The following CLIP1 variants were observed in gnomAD, a reference collection of about 807,000 sequenced individuals.
CLIP1 encodes the protein CAP-Gly domain-containing linker protein 1.
Under a neutral mutation model 161.6 loss-of-function variants are expected in CLIP1, and 66 were observed. The ratio of observed to expected loss-of-function variants is 0.41; its 90% CI spans 0.33 to 0.50. The LOEUF (loss-of-function observed/expected upper bound fraction) is 0.50, where lower values mean the gene tolerates loss of function less well. Ranked by LOEUF, CLIP1 falls within the 20% of genes least tolerant of loss-of-function variation. The pLI, the probability that CLIP1 is intolerant of heterozygous loss-of-function variation, is 0.27. For missense variants in CLIP1, 1,376 were observed against 1,702.0 expected, an observed-to-expected ratio of 0.81 and a Z score of 3.37; for synonymous variants, 598 against 626.2, an observed-to-expected ratio of 0.96 and a Z score of 0.67.
At chr12:122,411,496 G>T (rs1034977483) in intron 1 of CLIP1, among the ~76,000 whole-genome samples, 1 of 152,108 alleles carries the variant, frequency 6.6e-6, no homozygotes, top group African/African-American at 2.4e-5. Flanking sequence ...CAATCCAAAG[G>T]TTCATCAAGT....
At chr12:122,300,432 C>CA (rs1407555908) in intron 20 of CLIP1, among the ~76,000 whole-genome samples, 10 of 151,950 alleles carry the variant, frequency 6.6e-5, no homozygotes, top group Admixed American at 2.0e-4. Context: ...TGGCTGAGAG[C>CA]AAAAAAATGT....
At position 122,298,758 on chromosome 12, in the gene CLIP1, C is replaced by T. The variant is rs111472377; in HGVS notation, c.3595-10217G>A. ...TCACTTGAAGTCAGGAGTTCAAGAC[C>T]AGCCTGGTCAACATAGCAAAACCCT... is the stretch of plus-strand genomic sequence containing the variant. On this transcript the variant is annotated intron_variant, in intron 20 of 25. Transcript: ENST00000620786. Among the ~76,000 whole-genome samples the T allele has an allele frequency of 8.6e-3, 1,302 of 152,034 alleles. 4 individuals carry two copies. The highest frequency in any genetic ancestry group is 0.029 in the African/African-American group (1,196 of 41,460).
chr12:122,318,915 G>A (rs1356965864), intron 18 of CLIP1, among the ~76,000 whole-genome samples: 1 of 152,150 alleles, frequency 6.6e-6, no homozygotes, highest in Non-Finnish European at 1.5e-5. Context: ...GGAAAGAGAA[G>A]AGAAAAAACA....
chr12:122,420,091 C>A (rs150215681), intron 1 of CLIP1, among the ~76,000 whole-genome samples: 4,247 of 151,946 alleles, frequency 0.028, 214 homozygotes, highest in African/African-American at 0.098. Context: ...CCTATAATCC[C>A]AGCACTTTGG....
intron 3 of CLIP1, among the ~76,000 whole-genome samples, chr12:122,370,173 AAAAG>A (rs1954373451): frequency 1.3e-5 from 2 of 151,802 alleles, no homozygotes; most frequent in Non-Finnish European, 1.5e-5. Flanking sequence ...AAAAAAAAAA[AAAAG>A]AAGAAGAAGA....
intron 21 of CLIP1, chr12:122,280,781 TA>T (rs1296700597): frequency 1.3e-5 from 2 of 152,230 alleles, no homozygotes; most frequent in African/African-American, 4.8e-5. Context: ...ATGACAAAAA[TA>T]CTTTAGGAAA....
chr12:122,413,849 T>A (rs1357254158), intron 1 of CLIP1, among the ~76,000 whole-genome samples: 2 of 151,586 alleles, frequency 1.3e-5, no homozygotes, highest in Non-Finnish European at 2.9e-5. Context: ...TATGTCCTTC[T>A]GGAAGTGCCA....
chr12:122,388,148 C>T (rs192654503), intron 1 of CLIP1, among the ~76,000 whole-genome samples: 40 of 152,100 alleles, frequency 2.6e-4, no homozygotes, highest in Admixed American at 9.2e-4. Flanking sequence ...TGTACAGAAT[C>T]GGCATCACAT....
chr12:122,382,205 T>C (rs1018470099), intron 1 of CLIP1, among the ~76,000 whole-genome samples: 10 of 151,780 alleles, frequency 6.6e-5, no homozygotes, highest in Admixed American at 6.6e-4. Flanking sequence ...CTACTAAAAA[T>C]ATAAAATTAG....
intron 12 of CLIP1, among the ~76,000 whole-genome samples, chr12:122,334,971 G>A (rs1952148050): frequency 6.6e-6 from 1 of 152,182 alleles, no homozygotes; most frequent in African/African-American, 2.4e-5. Context: ...AGGCATGTTC[G>A]TACTTAGGTA....
chr12:122,320,371 G>A (rs1171323453), intron 17 of CLIP1, among the ~76,000 whole-genome samples: 4 of 152,158 alleles, frequency 2.6e-5, no homozygotes, highest in Non-Finnish European at 5.9e-5. Flanking sequence ...AGGGAGCTGA[G>A]ACGGGAGGAT....
At chr12:122,293,925 C>T (rs951396810) in intron 20 of CLIP1, among the ~76,000 whole-genome samples, 8 of 151,736 alleles carry the variant, frequency 5.3e-5, no homozygotes, top group Non-Finnish European at 1.2e-4. Flanking sequence ...CTGCCTCAGC[C>T]TCCCGGAGAA....
chr12:122,408,418 A>G (rs1488153538), intron 1 of CLIP1, among the ~76,000 whole-genome samples: 2 of 151,684 alleles, frequency 1.3e-5, no homozygotes, highest in African/African-American at 4.8e-5. Flanking sequence ...GTGCAATCTC[A>G]GCTCACTGCA....
intron 1 of CLIP1, among the ~76,000 whole-genome samples, chr12:122,410,129 C>T (rs1233635850): frequency 1.3e-5 from 2 of 152,040 alleles, no homozygotes; most frequent in Admixed American, 6.6e-5. Context: ...ACCTCAGCCT[C>T]CCAAAGTGCT....
At chr12:122,318,222 C>G (rs1951343405) in intron 18 of CLIP1, among the ~76,000 whole-genome samples, 1 of 152,134 alleles carries the variant, frequency 6.6e-6, no homozygotes, top group South Asian at 2.1e-4. Context: ...TCCTTAATGT[C>G]TTACCTGCCT....
At chr12:122,376,907 C>A (rs1185145453) in intron 3 of CLIP1, among the ~76,000 whole-genome samples, 1 of 152,012 alleles carries the variant, frequency 6.6e-6, no homozygotes, top group African/African-American at 2.4e-5. Flanking sequence ...TAATTTGTTG[C>A]GTAGTTACCC....
intron 5 of CLIP1, chr12:122,360,710 G>A: frequency 2.3e-6 from 1 of 442,572 alleles, no homozygotes; most frequent in Non-Finnish European, 4.0e-6. Context: ...GATTCACCAA[G>A]AACACATGCA....
intron 10 of CLIP1, among the ~76,000 whole-genome samples, chr12:122,347,090 A>G (rs1359979927): frequency 1.3e-5 from 2 of 152,240 alleles, no homozygotes; most frequent in African/African-American, 4.8e-5. Flanking sequence ...ATTAATATAA[A>G]TAACTTCAAA....
At chr12:122,422,270 T>G (rs1357231806) in intron 1 of CLIP1, among the ~76,000 whole-genome samples, 3 of 151,422 alleles carry the variant, frequency 2.0e-5, no homozygotes, top group African/African-American at 7.3e-5. Context: ...AAGGCCCGGC[T>G]CGGCGCTGAC....
Sources: gnomAD v4.1 joint callset for allele counts (sites outside exome capture counted in the v4.1 genomes callset) on GRCh38, gnomAD v4.1.1 for gene constraint, MANE v1.5 for transcripts, NCBI Gene and HGNC (gene_info 2026-07-23, HGNC 2026-07-21) for gene names.